STK17B: variants seen among roughly 807,000 people sequenced by gnomAD.
The protein encoded by STK17B is serine/threonine kinase 17b.
Under a neutral mutation model 42.0 loss-of-function variants are expected in STK17B, and 21 were observed. The observed-to-expected ratio is 0.50, with a 90% confidence interval of 0.35 to 0.72. The LOEUF (loss-of-function observed/expected upper bound fraction) is 0.72, where lower values mean the gene tolerates loss of function less well. Among genes scored for constraint, STK17B ranks in the 30% least tolerant of loss-of-function variants. STK17B has a pLI of 0.00. For synonymous variants in STK17B, 143 were observed against 148.4 expected (o/e 0.96, Z 0.26); for missense variants, 349 against 446.0 (o/e 0.78, Z 1.96).
At position 196,133,981 on chromosome 2, in the gene STK17B, GA is replaced by G. The variant is rs1559405444; in HGVS notation, c.*3465del. ...AAAGTACAGTTGTTTATACAACAAT[GA>G]ATAAGGACAAGATATCAAACTGAAA... On this transcript the variant is annotated 3_prime_UTR_variant, in exon 8 of 8. Coordinates refer to ENST00000263955, the MANE Select transcript of STK17B (RefSeq NM_004226.4). 6.6e-6 allele frequency: 1 copy of G among 152,152 alleles called. No individual in the cohort carries two copies. Among genetic ancestry groups the G allele is most frequent in the Non-Finnish European group, 1.5e-5 (1 of 68,022 alleles). 9.4% of individuals were successfully genotyped at this position (152,152 alleles called of 1,614,324 possible).
At chr2:196,164,582 C>T (rs184747182) in intron 1 of STK17B, among the ~76,000 whole-genome samples, 61 of 152,246 alleles carry the variant, frequency 4.0e-4, no homozygotes, top group South Asian at 2.1e-4. Context: ...TGTAGTAACC[C>T]GCTAAGCATT....
At chr2:196,152,045 G>A (rs1266368226) in intron 3 of STK17B, among the ~76,000 whole-genome samples, 2 of 151,496 alleles carry the variant, frequency 1.3e-5, no homozygotes, top group Non-Finnish European at 2.9e-5. Flanking sequence ...GGCTATAGTT[G>A]TTCCAGAAGA....
intron 1 of STK17B, chr2:196,165,438 A>T (rs373868302): frequency 1.3e-5 from 2 of 152,344 alleles, no homozygotes; most frequent in East Asian, 3.9e-4. Context: ...ATATACAAAC[A>T]TTTACTTTCC....
At chr2:196,156,245 T>C in intron 3 of STK17B, 194 bp downstream of exon 3, 1 of 492,756 alleles carries the variant, frequency 2.0e-6, no homozygotes, top group Non-Finnish European at 3.6e-6. Context: ...TATTCTGTGC[T>C]GTTAGTTTTT....
At chr2:196,173,270 C>G (rs114196370), upstream of STK17B, among the ~76,000 whole-genome samples, 1 of 152,186 alleles carries the variant, frequency 6.6e-6, no homozygotes, top group Non-Finnish European at 1.5e-5. Flanking sequence ...CACCATCCTC[C>G]TCATCCATAC....
intron 2 of STK17B, among the ~76,000 whole-genome samples, chr2:196,158,390 C>T (rs1235204794): frequency 6.6e-6 from 1 of 152,148 alleles, no homozygotes; most frequent in Non-Finnish European, 1.5e-5. Context: ...TATATTAATA[C>T]ATCAACTAAA....
At chr2:196,144,498 A>C (rs10167438) in intron 4 of STK17B, among the ~76,000 whole-genome samples, 172 of 14,734 alleles carry the variant, frequency 0.012, 2 homozygotes, top group African/African-American at 0.015. Flanking sequence ...AAAAAAAAAA[A>C]AAAAAAAAAA....
At chr2:196,163,535 ATT>A in intron 1 of STK17B, 108 bp from the exon 2 acceptor site, 5 of 845,666 alleles carry the variant, frequency 5.9e-6, no homozygotes, top group Non-Finnish European at 8.2e-6. Flanking sequence ...AAAAAAAAAG[ATT>A]TAAAGAGCAC....
At chr2:196,161,511 C>CTTTTTTTTTTTTTTTTTTTTTT (rs71009086) in intron 2 of STK17B, among the ~76,000 whole-genome samples, 1 of 69,522 alleles carries the variant, frequency 1.4e-5, no homozygotes, top group Non-Finnish European at 2.5e-5. Flanking sequence ...TATTATAATT[C>CTTTTTTTTTTTTTTTTTTTTTT]TTTTTTTTTT....
chr2:196,163,471 C>T, intron 1 of STK17B, 44 bp from the exon 2 acceptor site: 1 of 1,431,636 alleles, frequency 7.0e-7, no homozygotes, highest in Non-Finnish European at 9.3e-7. Flanking sequence ...TTATCTCAGG[C>T]AGGATGTGCA....
At chr2:196,170,922 G>A (rs1250023299) in intron 1 of STK17B, 1 of 152,268 alleles carries the variant, frequency 6.6e-6, no homozygotes, top group Non-Finnish European at 1.5e-5. Flanking sequence ...CTCGGGAGAG[G>A]CTAGGGGGAC....
rs1205711072 is a variant in STK17B, at chr2:196,134,119, C to A, written c.*3328G>T. 6.6e-6 allele frequency: 1 copy of A among 152,170 alleles called. No homozygotes were observed. Among genetic ancestry groups the A allele is most frequent in the Non-Finnish European group, 1.5e-5 (1 of 68,040 alleles). The allele number at this position is 152,170 out of a possible 1,614,324, so 9.4% of individuals were successfully genotyped here. On this transcript the variant is annotated 3_prime_UTR_variant, in exon 8 of 8. Coordinates refer to ENST00000263955, the MANE Select transcript of STK17B (RefSeq NM_004226.4). The stretch of plus-strand genomic sequence containing the variant: ...GTCCATTAACTATTTGTGAGCTGTC[C>A]AGAATGAAAGAGGCTTGTGCCAGAA...
At chr2:196,151,631 T>A (rs1000497218) in intron 3 of STK17B, 6 of 152,212 alleles carry the variant, frequency 3.9e-5, no homozygotes, top group Admixed American at 2.0e-4. Flanking sequence ...AGAAGTTTTT[T>A]AAAAAGATTT....
chr2:196,144,746 C>G (rs1435769807), intron 4 of STK17B, among the ~76,000 whole-genome samples: 1 of 152,084 alleles, frequency 6.6e-6, no homozygotes, highest in Non-Finnish European at 1.5e-5. Context: ...CTACTGCAGG[C>G]CCACGGCCTA....
chr2:196,154,540 A>T (rs1425333274), intron 3 of STK17B: 1 of 152,256 alleles, frequency 6.6e-6, no homozygotes, highest in Non-Finnish European at 1.5e-5. Flanking sequence ...TGGTGAGTAA[A>T]AGTGAAGAGT....
At chr2:196,138,719 G>A (rs1000659767) in intron 7 of STK17B, among the ~76,000 whole-genome samples, 18 of 151,816 alleles carry the variant, frequency 1.2e-4, no homozygotes, top group African/African-American at 4.1e-4. Flanking sequence ...GGAACTATAG[G>A]TGCATGCCAC....
intron 1 of STK17B, among the ~76,000 whole-genome samples, chr2:196,170,419 TTTAAATA>T (rs1238238920): frequency 1.3e-5 from 2 of 152,190 alleles, no homozygotes; most frequent in Non-Finnish European, 2.9e-5. Flanking sequence ...TCCTCATGTG[TTTAAATA>T]TTAGTGAAAT....
Position 196,135,422 on chromosome 2 carries a change from A to AT in STK17B, c.*2024dup, listed in dbSNP as rs1484218342. The AT allele has an allele frequency of 6.6e-6, 1 of 152,240 alleles. No individual in the cohort carries two copies. Among genetic ancestry groups the AT allele is most frequent in the Admixed American group, 6.5e-5 (1 of 15,286 alleles). The allele number at this position is 152,240 out of a possible 1,614,324, so 9.4% of individuals were successfully genotyped here. A position where few individuals can be genotyped will look rare whatever the true frequency, so the allele number is the denominator to read the frequency against. On this transcript the variant is annotated 3_prime_UTR_variant, in exon 8 of 8. Transcript: ENST00000263955. Reference sequence around the variant, plus strand: ...AAACTACTTAAAGAATTTAAATGTCATAAGAAGAGAACATAAAGTCATATA... The same window carrying AT: ...AAACTACTTAAAGAATTTAAATGTCATTAAGAAGAGAACATAAAGTCATATA...
rs1699506432 is a variant in STK17B at position 196,142,336 on chromosome 2, GT to G, written c.608-1040del. Among the ~76,000 whole-genome samples, 7 of 152,228 alleles carry G rather than the reference GT, an allele frequency of 4.6e-5. No homozygotes were observed. The South Asian group carries it at 1.2e-3, about 27-fold the overall frequency. The stretch of plus-strand genomic sequence containing the variant: ...GCCTCCCAAAGTGCTGGGATTACAA[GT>G]GTGAGCCACTGCACCCAGCCAGAAA... On this transcript the variant is annotated intron_variant, in intron 5 of 7. Coordinates refer to ENST00000263955, the MANE Select transcript of STK17B (RefSeq NM_004226.4).
Sources: gnomAD v4.1 joint callset for allele counts (sites outside exome capture counted in the v4.1 genomes callset) on GRCh38, gnomAD v4.1.1 for gene constraint, MANE v1.5 for transcripts, NCBI Gene and HGNC (gene_info 2026-07-23, HGNC 2026-07-21) for gene names.